The following OGFRL1 variants were observed in gnomAD, a reference collection of about 807,000 sequenced individuals.
OGFRL1 encodes the protein opioid growth factor receptor like 1, also known as opioid growth factor receptor-like protein 1.
In OGFRL1, 26 loss-of-function variants were observed where a neutral mutation model predicts 32.4. That is an observed-to-expected ratio of 0.80 (90% confidence interval 0.59 to 1.11). OGFRL1 has a LOEUF of 1.11. OGFRL1 is among the 50% of genes most tolerant of loss of function. OGFRL1 has a pLI of 0.00. For missense variants in OGFRL1, 521 were observed against 546.4 expected (o/e 0.95, Z 0.46); for synonymous variants, 211 against 201.2 (o/e 1.05, Z -0.41).
At chr6:71,289,542 T>C (rs1367212264) in intron 1 of OGFRL1, 1 of 942,502 alleles carries the variant, frequency 1.1e-6, no homozygotes, top group Non-Finnish European at 1.2e-6. Flanking sequence ...TAGTGTGTGT[T>C]ATTGGTAAAA....
intron 1 of OGFRL1, chr6:71,289,664 C>G: frequency 1.0e-6 from 1 of 984,892 alleles, no homozygotes; most frequent in Non-Finnish European, 1.2e-6. Context: ...AAGTGTAGGC[C>G]CTCATCTGAA....
At position 71,302,087 on chromosome 6, in the gene OGFRL1, G is replaced by A. The variant is rs940260323; in HGVS notation, c.*38G>A. On this transcript the variant is annotated 3_prime_UTR_variant, in exon 7 of 7. Transcript: ENST00000370435. ...CCCAGAAGCCAGTTTAGGCTAGAGA[G>A]GAAAAAACTACTGTATCATTTATCC... 6.9e-7 allele frequency: 1 copy of A among 1,444,184 alleles called. No homozygotes were observed. Among genetic ancestry groups the A allele is most frequent in the Non-Finnish European group, 9.1e-7 (1 of 1,100,180 alleles). The allele number at this position is 1,444,184 out of a possible 1,614,324, so 89.5% of individuals were successfully genotyped here.
In OGFRL1 at chr6:71,288,967, C is replaced by T; in HGVS notation, c.31C>T (p.Arg11Cys). 7.2e-7 allele frequency: 1 copy of T among 1,389,706 alleles called. No homozygotes were observed. Among genetic ancestry groups the T allele is most frequent in the Non-Finnish European group, 9.5e-7 (1 of 1,056,510 alleles). The allele number at this position is 1,389,706 out of a possible 1,614,324, so 86.1% of individuals were successfully genotyped here. A position where few individuals can be genotyped will look rare whatever the true frequency, so the allele number is the denominator to read the frequency against. ...CAACCTGCTCGGCGGGGTCAGCTTC[C>T]GCGAGCCCACCACCGTGGAGGACTG... MGNLLGGVSF[R>C]EPTTVEDCDS... Residue 11 changes from arginine (R) to cysteine (C), a missense_variant, in exon 1 of 7, where the codon CGC becomes TGC. Arg to Cys is a radical substitution (Grantham distance 180, BLOSUM62 -3). Transcript: ENST00000370435.
At position 71,306,183 on chromosome 6, in the gene OGFRL1, G is replaced by T. The variant is rs1766546468; in HGVS notation, c.*4134G>T. ...AGGTAGGCTGTATTTAGACACACTA[G>T]AATCATTAAATGTAGGTGAAGTTGT... On this transcript the variant is annotated 3_prime_UTR_variant, in exon 7 of 7. Coordinates refer to ENST00000370435, the MANE Select transcript of OGFRL1 (RefSeq NM_024576.5). 6.6e-6 allele frequency: 1 copy of T among 152,142 alleles called. No homozygotes were observed. Among genetic ancestry groups the T allele is most frequent in the Non-Finnish European group, 1.5e-5 (1 of 68,006 alleles). The allele number at this position is 152,142 out of a possible 1,614,324, so 9.4% of individuals were successfully genotyped here.
chr6:71,293,393 A>G lies in OGFRL1; in HGVS notation c.321+14A>G. The G allele has an allele frequency of 1.2e-6, 2 of 1,609,390 alleles. No homozygotes were observed. Among genetic ancestry groups the G allele is most frequent in the Non-Finnish European group, 1.7e-6 (2 of 1,177,482 alleles). On this transcript the variant is annotated intron_variant, in intron 2 of 6. Transcript: ENST00000370435. The stretch of plus-strand genomic sequence containing the variant: ...CACCAGTACCCAGTAAGAGTATAGA[A>G]TGCTATGTTTTAAACTGTAAACTAT...
intron 6 of OGFRL1, among the ~76,000 whole-genome samples, chr6:71,299,759 A>G (rs1766326393): frequency 6.6e-6 from 1 of 152,182 alleles, no homozygotes; most frequent in Non-Finnish European, 1.5e-5. Context: ...TCTTAACTGT[A>G]CCCAAATTTG....
chr6:71,293,335 T>A lies in OGFRL1; in HGVS notation c.277T>A (p.Phe93Ile), dbSNP rs1285021418. 1 of 1,613,890 alleles carries A rather than the reference T, an allele frequency of 6.2e-7. No individual in the cohort carries two copies. The highest frequency in any genetic ancestry group is 8.5e-7 in the Non-Finnish European group (1 of 1,179,844). ...TEATAKPKRSFYAARDLYKYR... is the reference protein window; with the variant it reads ...TEATAKPKRSIYAARDLYKYR... ...AGCAACTGCCAAACCAAAGAGAAGT[T>A]TTTATGCTGCCAGGGATTTGTACAA... Residue 93 changes from phenylalanine to isoleucine, a missense_variant, in exon 2 of 7, where the codon TTT (phenylalanine) becomes ATT (isoleucine). By Grantham distance (21) the Phe-to-Ile change is conservative. Transcript: ENST00000370435.
chr6:71,295,311 C>G (rs931039573), intron 3 of OGFRL1: 2 of 152,150 alleles, frequency 1.3e-5, no homozygotes, highest in Non-Finnish European at 2.9e-5. Context: ...TTTACCAAAC[C>G]TTCCGAGAGT....
chr6:71,299,316 CTT>C (rs1766312476), intron 6 of OGFRL1, among the ~76,000 whole-genome samples: 1 of 152,116 alleles, frequency 6.6e-6, no homozygotes. Flanking sequence ...TTGCCACTCT[CTT>C]CTATACCATT....
At chr6:71,300,260 T>G (rs943870206) in intron 6 of OGFRL1, among the ~76,000 whole-genome samples, 3 of 152,236 alleles carry the variant, frequency 2.0e-5, no homozygotes, top group Non-Finnish European at 4.4e-5. Context: ...CTATGATTAA[T>G]ACATGTGGCT....
chr6:71,298,265 A>G (rs1330101132), intron 6 of OGFRL1, among the ~76,000 whole-genome samples: 1 of 152,136 alleles, frequency 6.6e-6, no homozygotes, highest in Non-Finnish European at 1.5e-5. Context: ...AGCTCTGGAC[A>G]GAGTTTCTAA....
Position 71,308,763 on chromosome 6 carries a change from T to A in OGFRL1, c.*6714T>A, listed in dbSNP as rs567570272. 1 of 152,320 alleles carries A rather than the reference T, an allele frequency of 6.6e-6. No individual in the cohort carries two copies. The highest frequency in any genetic ancestry group is 1.9e-4 in the East Asian group (1 of 5,190). The allele number at this position is 152,320 out of a possible 1,614,324, so 9.4% of individuals were successfully genotyped here. ...GTTTTTGTTGCTTACTGCTGTATTTTAAAATATTGTTTCTAAAATAATAGA... is the reference window on the plus strand; with the variant it reads ...GTTTTTGTTGCTTACTGCTGTATTTAAAAATATTGTTTCTAAAATAATAGA... On this transcript the variant is annotated 3_prime_UTR_variant, in exon 7 of 7. Transcript: ENST00000370435.
Position 71,304,532 on chromosome 6 carries a change from T to C in OGFRL1, c.*2483T>C, listed in dbSNP as rs1766489146. ...TTTCTAAATGCATAATAGTAAAAGA[T>C]TGTGACCAGATATTATGATATTAAT... On this transcript the variant is annotated 3_prime_UTR_variant, in exon 7 of 7. Transcript: ENST00000370435. The C allele has an allele frequency of 6.6e-6, 1 of 152,112 alleles. No individual in the cohort carries two copies. Among genetic ancestry groups the C allele is most frequent in the Non-Finnish European group, 1.5e-5 (1 of 67,968 alleles). 9.4% of individuals were successfully genotyped at this position (152,112 alleles called of 1,614,324 possible).
chr6:71,308,903 T>C lies in OGFRL1; in HGVS notation c.*6854T>C, dbSNP rs1215412823. The C allele has an allele frequency of 2.6e-5, 4 of 152,178 alleles. No homozygotes were observed. The highest frequency in any genetic ancestry group is 2.1e-4 in the South Asian group (1 of 4,828). The allele number at this position is 152,178 out of a possible 1,614,324, so 9.4% of individuals were successfully genotyped here. ...CATTTTAGCATTGTGCTAGAGTACATTATGGTGATTTTGCACGATTAAAAT... is the reference window on the plus strand; with the variant it reads ...CATTTTAGCATTGTGCTAGAGTACACTATGGTGATTTTGCACGATTAAAAT... On this transcript the variant is annotated 3_prime_UTR_variant, in exon 7 of 7. Coordinates refer to ENST00000370435, the MANE Select transcript of OGFRL1 (RefSeq NM_024576.5).
chr6:71,289,917 G>A, intron 1 of OGFRL1: 1 of 729,326 alleles, frequency 1.4e-6, no homozygotes, highest in Non-Finnish European at 1.7e-6. Context: ...GTGCATCCTG[G>A]AGGTGGTTCA....
At chr6:71,290,870 C>G (rs148895441) in intron 1 of OGFRL1, among the ~76,000 whole-genome samples, 2,882 of 152,288 alleles carry the variant, frequency 0.019, 42 homozygotes, top group Non-Finnish European at 0.028. Flanking sequence ...ATCAACGATT[C>G]TCTTGAGTTT....
intron 1 of OGFRL1, chr6:71,289,890 C>A (rs954922064): frequency 8.9e-6 from 8 of 898,080 alleles, no homozygotes; most frequent in Non-Finnish European, 9.3e-6. Context: ...AATATGTAGC[C>A]GACCCCCTGA....
chr6:71,289,403 G>C (rs1425712926), intron 1 of OGFRL1: 1 of 985,014 alleles, frequency 1.0e-6, no homozygotes. Context: ...CCGAGGGCAC[G>C]GCGAGGAAGT....
rs754179615 is a variant in OGFRL1 at position 71,296,443 on chromosome 6, A to T, written c.479+48A>T. 4 of 1,595,286 alleles carry T rather than the reference A, an allele frequency of 2.5e-6. No individual in the cohort carries two copies. The African/African-American group carries it at 5.4e-5, about 21-fold the overall frequency. ...TGAACCATGTCCTATTTAATCATGT[A>T]TGTTTTCCAGACAACGTTAATAGAA... On this transcript the variant is annotated intron_variant, in intron 4 of 6. Coordinates refer to ENST00000370435, the MANE Select transcript of OGFRL1 (RefSeq NM_024576.5).
Sources: gnomAD v4.1 joint callset for allele counts (sites outside exome capture counted in the v4.1 genomes callset) on GRCh38, gnomAD v4.1.1 for gene constraint, MANE v1.5 for transcripts, NCBI Gene and HGNC (gene_info 2026-07-23, HGNC 2026-07-21) for gene names.